The following ATP2A2 variants were observed in gnomAD, a reference collection of about 807,000 sequenced individuals.
ATP2A2 encodes ATPase sarcoplasmic/endoplasmic reticulum Ca2+ transporting 2.
ATP2A2 carries 14 observed loss-of-function variants against 109.3 expected under a neutral mutation model. The ratio of observed to expected loss-of-function variants is 0.13; its 90% confidence interval spans 0.08 to 0.20. ATP2A2 has a LOEUF of 0.20. Among genes scored for constraint, ATP2A2 ranks in the 10% least tolerant of loss-of-function variants. The probability of loss-of-function intolerance (pLI) is 1.00; values close to 1 mark genes in which losing one functional copy is unlikely to be tolerated. For missense variants in ATP2A2, 657 were observed against 1,321.6 expected (o/e 0.50, Z 7.80); for synonymous variants, 506 against 490.9 (o/e 1.03, Z -0.41).
chr12:110,291,910 G>T, intron 3 of ATP2A2, 110 bp from the exon 4 acceptor site: 1 of 971,934 alleles, frequency 1.0e-6, no homozygotes, highest in East Asian at 2.5e-5. Flanking sequence ...GCCTCCCAAA[G>T]TGCTGGGATT....
At chr12:110,294,614 A>G (rs1592800946) in intron 4 of ATP2A2, among the ~76,000 whole-genome samples, 1 of 152,032 alleles carries the variant, frequency 6.6e-6, no homozygotes, top group African/African-American at 2.4e-5. Context: ...ATGCCACTGC[A>G]CTCGAGCCTG....
rs965663122 is a variant in ATP2A2, at chr12:110,339,066, C to T, written c.1420-215C>T. 4.1e-4 allele frequency among the ~76,000 whole-genome samples: 63 copies of T among 152,158 alleles called. No individual in the cohort carries two copies. The highest frequency in any genetic ancestry group is 1.5e-3 in the African/African-American group (61 of 41,436). On this transcript the variant is annotated intron_variant, in intron 11 of 19. Coordinates refer to ENST00000539276, the MANE Select transcript of ATP2A2 (RefSeq NM_170665.4). The surrounding 1 kb of genome is among the most constrained non-coding windows in gnomAD (Gnocchi z 4.4). Reference sequence around the variant, plus strand: ...TATGTATGTATGCAAATTTTCTATCCCCCTTCCCTTTTTCTCTATAGCACT... The same window carrying T: ...TATGTATGTATGCAAATTTTCTATCTCCCTTCCCTTTTTCTCTATAGCACT...
At chr12:110,289,805 G>T (rs74868199) in intron 3 of ATP2A2, among the ~76,000 whole-genome samples, 3,455 of 152,122 alleles carry the variant, frequency 0.023, 125 homozygotes, top group African/African-American at 0.078. Context: ...GGATTGGTAA[G>T]TTTCCACAAA....
intron 14 of ATP2A2, among the ~76,000 whole-genome samples, chr12:110,341,563 T>C (rs1879354638): frequency 6.6e-6 from 1 of 152,200 alleles, no homozygotes; most frequent in Admixed American, 6.5e-5. Flanking sequence ...ACAGTATTAT[T>C]TTTGCATGCT....
Position 110,347,725 on chromosome 12 carries a change from G to A in ATP2A2, c.*1255G>A. The A allele has an allele frequency of 8.7e-7, 1 of 1,145,408 alleles. No homozygotes were observed. Among genetic ancestry groups the A allele is most frequent in the Non-Finnish European group, 1.1e-6 (1 of 919,502 alleles). 71.0% of individuals were successfully genotyped at this position (1,145,408 alleles called of 1,614,324 possible). ...GTTCGAGATGAGTCTCACCAACAGT[G>A]TGTAAGTCATTAACAGTCCTAACTG... On this transcript the variant is annotated 3_prime_UTR_variant, in exon 20 of 20. Coordinates refer to ENST00000539276, the MANE Select transcript of ATP2A2 (RefSeq NM_170665.4).
intron 5 of ATP2A2, among the ~76,000 whole-genome samples, chr12:110,312,178 A>T (rs1385153084): frequency 6.6e-6 from 1 of 151,950 alleles, no homozygotes; most frequent in Admixed American, 6.6e-5. Flanking sequence ...GACAGAGTAA[A>T]ACTCTGTCTC....
chr12:110,332,585 C>G lies in ATP2A2; in HGVS notation c.1096-12C>G, dbSNP rs138711897. On this transcript the variant is annotated splice_polypyrimidine_tract_variant and intron_variant, in intron 8 of 19. Coordinates refer to ENST00000539276, the MANE Select transcript of ATP2A2 (RefSeq NM_170665.4). ...TCCCTTTTAAATACTCTGATGCGCT[C>G]TCCCCCTACAGATGTTCATTCTGGA... is the stretch of plus-strand genomic sequence containing the variant. 327 of 1,599,320 alleles carry G rather than the reference C, an allele frequency of 2.0e-4. 1 individual carries two copies. The East Asian group carries it at 5.2e-3, about 26-fold the overall frequency.
At chr12:110,332,748 G>A in intron 9 of ATP2A2, 63 bp downstream of exon 9, 2 of 1,369,902 alleles carry the variant, frequency 1.5e-6, no homozygotes, top group South Asian at 1.2e-5. Context: ...GTATTGATTT[G>A]CAGCATGTCT....
intron 5 of ATP2A2, among the ~76,000 whole-genome samples, chr12:110,300,072 G>A (rs1448171489): frequency 4.7e-5 from 7 of 148,572 alleles, no homozygotes; most frequent in Non-Finnish European, 8.9e-5. Context: ...AGCTCCTTCC[G>A]TCAGTCTGTC....
intron 5 of ATP2A2, among the ~76,000 whole-genome samples, chr12:110,322,476 C>CA (rs768264484): frequency 0.047 from 6,604 of 141,684 alleles, 189 homozygotes; most frequent in Middle Eastern, 0.07. Flanking sequence ...GGCCCTGTCT[C>CA]AAAAAAAAAA....
chr12:110,296,275 GAC>G (rs1873952307), intron 4 of ATP2A2: 3 of 359,782 alleles, frequency 8.3e-6, no homozygotes, highest in Non-Finnish European at 1.6e-5. Context: ...CCTCTCATGA[GAC>G]AGAATTGATT....
At chr12:110,321,392 T>C (rs993299418) in intron 5 of ATP2A2, among the ~76,000 whole-genome samples, 3 of 152,234 alleles carry the variant, frequency 2.0e-5, no homozygotes, top group African/African-American at 4.8e-5. Context: ...AATTTTCTTA[T>C]GTAATTTGTA....
chr12:110,345,200 C>G, intron 17 of ATP2A2, 49 bp from the exon 18 acceptor site: 1 of 1,613,878 alleles, frequency 6.2e-7, no homozygotes, highest in South Asian at 1.1e-5. Flanking sequence ...GGAGCCTGGA[C>G]TTGGGAAATA....
chr12:110,290,005 T>A lies in ATP2A2; in HGVS notation c.220-2015T>A, dbSNP rs188384920. Among the ~76,000 whole-genome samples, 3 of 152,350 alleles carry A rather than the reference T, an allele frequency of 2.0e-5. No individual in the cohort carries two copies. In the East Asian group the frequency reaches 5.8e-4, roughly 29 times the overall value. ...GTTGTATGAGCTAAAAGTTTAAACC[T>A]CTGCCCCATTTTCTTGGGGCAGTGT... On this transcript the variant is annotated intron_variant, in intron 3 of 19. Transcript: ENST00000539276.
chr12:110,349,859 C>G lies in ATP2A2; in HGVS notation c.*3389C>G. ...GAGGAGTTTCCTCTCCAGGGCTAGGCAAGGCAGGCGAGCAGCCAGAAGCCG... is the reference window on the plus strand; with the variant it reads ...GAGGAGTTTCCTCTCCAGGGCTAGGGAAGGCAGGCGAGCAGCCAGAAGCCG... On this transcript the variant is annotated 3_prime_UTR_variant, in exon 20 of 20. Coordinates refer to ENST00000539276, the MANE Select transcript of ATP2A2 (RefSeq NM_170665.4). 9.5e-7 allele frequency: 1 copy of G among 1,053,480 alleles called. No homozygotes were observed. The allele number at this position is 1,053,480 out of a possible 1,614,324, so 65.3% of individuals were successfully genotyped here. A position where few individuals can be genotyped will look rare whatever the true frequency, so the allele number is the denominator to read the frequency against.
At chr12:110,299,130 C>G (rs1356119333) in intron 5 of ATP2A2, among the ~76,000 whole-genome samples, 1 of 152,020 alleles carries the variant, frequency 6.6e-6, no homozygotes, top group African/African-American at 2.4e-5. Flanking sequence ...CAACCAAGCT[C>G]CTAGCTAAGT....
At chr12:110,295,010 A>C (rs1363363504) in intron 4 of ATP2A2, among the ~76,000 whole-genome samples, 1 of 151,820 alleles carries the variant, frequency 6.6e-6, no homozygotes, top group East Asian at 1.9e-4. Flanking sequence ...TAGTAGAGAC[A>C]GTTTCACCAT....
rs1879910497 is a variant in ATP2A2 at position 110,346,794 on chromosome 12, TCAGCAAATTAATTGG to T, written c.*330_*344del. 8.8e-7 allele frequency: 1 copy of T among 1,142,064 alleles called. No individual in the cohort carries two copies. The highest frequency in any genetic ancestry group is 1.1e-6 in the Non-Finnish European group (1 of 926,388). The allele number at this position is 1,142,064 out of a possible 1,614,324, so 70.7% of individuals were successfully genotyped here. On this transcript the variant is annotated 3_prime_UTR_variant, in exon 20 of 20. Coordinates refer to ENST00000539276, the MANE Select transcript of ATP2A2 (RefSeq NM_170665.4). Reference sequence around the variant, plus strand: ...AAAATAGTTGAGCCAGCAGACATTGTCAGCAAATTAATTGGCAGCAGATTTTAGGAAATGAATGTG... The same window carrying T: ...AAAATAGTTGAGCCAGCAGACATTGTCAGCAGATTTTAGGAAATGAATGTG...
In ATP2A2 at chr12:110,327,873, C is replaced by T. The variant is rs1592845827; in HGVS notation, c.951C>T (p.Thr317=). Residue 317 remains threonine, a synonymous_variant, in exon 8 of 20, where the codon ACC becomes ACT. Transcript: ENST00000539276. The surrounding 1 kb of genome is among the most constrained non-coding windows in gnomAD (Gnocchi z 4.4). ...AAGGTCTGCCTGCAGTCATCACCAC[C>T]TGCCTGGCTCTTGGAACTCGCAGAA... The part of the protein sequence containing the change: ...IPEGLPAVIT[T]CLALGTRRMA... 4 of 1,614,114 alleles carry T rather than the reference C, an allele frequency of 2.5e-6. No individual in the cohort carries two copies. The highest frequency in any genetic ancestry group is 3.4e-6 in the Non-Finnish European group (4 of 1,179,986).
Sources: allele counts gnomAD v4.1 joint callset (sites outside exome capture counted in the v4.1 genomes callset), GRCh38; gene constraint gnomAD v4.1.1; non-coding constraint Gnocchi (gnomAD v3.1); transcripts MANE v1.5; gene names NCBI Gene and HGNC (gene_info 2026-07-23, HGNC 2026-07-21).